LRMDA: variants seen among roughly 807,000 people sequenced by gnomAD.
LRMDA encodes the protein leucine-rich melanocyte differentiation-associated protein.
LRMDA carries 18 observed loss-of-function variants against 29.8 expected under a neutral mutation model. The observed-to-expected ratio is 0.60, with a 90% CI of 0.42 to 0.90. The LOEUF is 0.90. LRMDA is among the 40% of genes least tolerant of loss of function. The pLI is 0.00. For missense variants in LRMDA, 273 were observed against 273.9 expected (o/e 1.00, Z 0.02); for synonymous variants, 125 against 109.4 (o/e 1.14, Z -0.89).
intron 5 of LRMDA, among the ~76,000 whole-genome samples, chr10:76,157,530 C>T (rs188600268): frequency 7.2e-5 from 11 of 152,140 alleles, no homozygotes; most frequent in African/African-American, 1.4e-4. Context: ...AGGAAGATTG[C>T]TTGAGCCCAG....
At chr10:75,965,858 C>G (rs750665276) in intron 2 of LRMDA, among the ~76,000 whole-genome samples, 4 of 152,138 alleles carry the variant, frequency 2.6e-5, no homozygotes, top group African/African-American at 9.7e-5. Flanking sequence ...ATCTGTCATC[C>G]CTGGCTCCTT....
At chr10:75,568,293 T>C (rs1169106744) in intron 2 of LRMDA, among the ~76,000 whole-genome samples, 1 of 152,196 alleles carries the variant, frequency 6.6e-6, no homozygotes, top group East Asian at 1.9e-4. Context: ...TGAATGAATG[T>C]TGTTAGTGTA....
At chr10:75,969,716 A>G (rs1846930801) in intron 2 of LRMDA, among the ~76,000 whole-genome samples, 1 of 151,040 alleles carries the variant, frequency 6.6e-6, no homozygotes, top group African/African-American at 2.4e-5. Context: ...ATCTTAAACT[A>G]TGTGTCAAAT....
chr10:75,597,559 G>C lies in LRMDA; in HGVS notation c.131+159065G>C, dbSNP rs533711160. Among the ~76,000 whole-genome samples, 12 of 152,256 alleles carry C rather than the reference G, an allele frequency of 7.9e-5. No individual in the cohort carries two copies. The South Asian group carries it at 2.5e-3, about 32-fold the overall frequency. The stretch of plus-strand genomic sequence containing the variant: ...CCTTGTGAGCACGGGAGAGAAAAAA[G>C]GTGTGGTAATCCTGGCGTAGCAGGT... On this transcript the variant is annotated intron_variant, in intron 2 of 6. Coordinates refer to ENST00000611255, the MANE Select transcript of LRMDA (RefSeq NM_001305581.2).
intron 6 of LRMDA, among the ~76,000 whole-genome samples, chr10:76,340,004 A>G (rs552992757): frequency 2.2e-4 from 34 of 152,254 alleles, no homozygotes; most frequent in South Asian, 8.3e-4. Context: ...ATGAAACTCT[A>G]GGTCAGTCTC....
intron 5 of LRMDA, among the ~76,000 whole-genome samples, chr10:76,216,403 A>G (rs1564688921): frequency 6.6e-6 from 1 of 152,136 alleles, no homozygotes. Context: ...TGTAAAGTAG[A>G]TTTTTTCATT....
intron 6 of LRMDA, among the ~76,000 whole-genome samples, chr10:76,412,610 C>G (rs887502302): frequency 2.0e-5 from 3 of 152,132 alleles, no homozygotes; most frequent in African/African-American, 7.2e-5. Context: ...ACATACAAAG[C>G]AGTATGATTC....
chr10:76,194,429 A>G (rs1294611612), intron 5 of LRMDA, among the ~76,000 whole-genome samples: 3 of 152,148 alleles, frequency 2.0e-5, no homozygotes, highest in Non-Finnish European at 2.9e-5. Context: ...CCGGGTACAC[A>G]AGGTAGGATG....
At chr10:76,043,677 A>G (rs376436284) in intron 3 of LRMDA, among the ~76,000 whole-genome samples, 1 of 152,174 alleles carries the variant, frequency 6.6e-6, no homozygotes, top group African/African-American at 2.4e-5. Flanking sequence ...TGGTAGATCT[A>G]CAAGTGAAGG....
chr10:75,874,137 G>C (rs1845157870), intron 2 of LRMDA, among the ~76,000 whole-genome samples: 1 of 152,168 alleles, frequency 6.6e-6, no homozygotes, highest in Admixed American at 6.5e-5. Context: ...CTTCAATGAA[G>C]GGTACATATG....
intron 6 of LRMDA, chr10:76,470,529 G>T (rs1842607591): frequency 6.6e-6 from 1 of 151,966 alleles, no homozygotes. Context: ...GATAAAAAAT[G>T]TTGGATATAC....
chr10:75,938,491 C>T (rs1846332550), intron 2 of LRMDA, among the ~76,000 whole-genome samples: 1 of 152,176 alleles, frequency 6.6e-6, no homozygotes, highest in Non-Finnish European at 1.5e-5. Flanking sequence ...CCAATAAACA[C>T]CAGCTCATCA....
intron 5 of LRMDA, among the ~76,000 whole-genome samples, chr10:76,270,013 C>G (rs7100554): frequency 2.6e-5 from 4 of 152,296 alleles, no homozygotes; most frequent in African/African-American, 9.6e-5. Flanking sequence ...CTCATTCACT[C>G]AAGCCACTCC....
intron 5 of LRMDA, among the ~76,000 whole-genome samples, chr10:76,312,526 T>C (rs1241916361): frequency 6.6e-6 from 1 of 152,090 alleles, no homozygotes; most frequent in East Asian, 1.9e-4. Flanking sequence ...AAGAGACACA[T>C]GAGGCAAGTT....
chr10:76,148,944 A>G (rs995093693), intron 5 of LRMDA, among the ~76,000 whole-genome samples: 4 of 152,206 alleles, frequency 2.6e-5, no homozygotes, highest in African/African-American at 9.6e-5. Flanking sequence ...TTAGTTATGC[A>G]TACTTTTAAC....
chr10:75,922,539 T>C (rs1204345017), intron 2 of LRMDA, among the ~76,000 whole-genome samples: 2 of 152,230 alleles, frequency 1.3e-5, no homozygotes, highest in Non-Finnish European at 2.9e-5. Flanking sequence ...TCATGAATCC[T>C]GGCCTAGCTT....
At chr10:75,496,846 GCACATATGTATATACATGAGGGGTCTATA>G (rs1845049841) in intron 2 of LRMDA, among the ~76,000 whole-genome samples, 1 of 152,046 alleles carries the variant, frequency 6.6e-6, no homozygotes, top group Non-Finnish European at 1.5e-5. Flanking sequence ...TAAGGTGTAT[GCACATATGTATATACATGAGGGGTCTATA>G]CACATATGTG....
At chr10:75,717,514 A>G (rs569510111) in intron 2 of LRMDA, among the ~76,000 whole-genome samples, 1 of 152,268 alleles carries the variant, frequency 6.6e-6, no homozygotes, top group African/African-American at 2.4e-5. Flanking sequence ...GAGCTTTGGG[A>G]GGAGAATTTC....
At chr10:75,525,099 T>G (rs1845398966) in intron 2 of LRMDA, among the ~76,000 whole-genome samples, 1 of 152,230 alleles carries the variant, frequency 6.6e-6, no homozygotes, top group Admixed American at 6.5e-5. Flanking sequence ...TGGGTGATGA[T>G]TTTACCCTTG....
Sources: allele counts gnomAD v4.1 joint callset (sites outside exome capture counted in the v4.1 genomes callset), GRCh38; gene constraint gnomAD v4.1.1; transcripts MANE v1.5; gene names NCBI Gene and HGNC (gene_info 2026-07-23, HGNC 2026-07-21).